The following GPC6 variants were observed in gnomAD, a reference collection of about 807,000 sequenced individuals.
GPC6 encodes glypican-6.
In GPC6, 14 loss-of-function variants were observed where a neutral mutation model predicts 55.2. That is an observed-to-expected ratio of 0.25 (90% CI 0.17 to 0.40). The LOEUF (loss-of-function observed/expected upper bound fraction) is 0.40. GPC6 is among the 10% of genes least tolerant of loss of function. GPC6 has a pLI of 1.00. For synonymous variants in GPC6, 278 were observed against 259.6 expected (o/e 1.07, Z -0.68); for missense variants, 641 against 708.5 (o/e 0.90, Z 1.08).
At chr13:94,255,082 T>C (rs1891464661) in intron 4 of GPC6, among the ~76,000 whole-genome samples, 1 of 152,176 alleles carries the variant, frequency 6.6e-6, no homozygotes, top group Non-Finnish European at 1.5e-5. Flanking sequence ...GTAGTAAATG[T>C]TACCAGTTCA....
intron 5 of GPC6, among the ~76,000 whole-genome samples, chr13:94,295,632 A>G (rs564230721): frequency 5.3e-5 from 8 of 152,286 alleles, no homozygotes; most frequent in Admixed American, 2.6e-4. Context: ...ATCCAACTCT[A>G]GTCTGTGCCT....
Position 93,912,746 on chromosome 13 carries a change from A to C in GPC6, c.711+82201A>C, listed in dbSNP as rs138783099. Among the ~76,000 whole-genome samples, 1,314 of 152,308 alleles carry C rather than the reference A, an allele frequency of 8.6e-3. 23 individuals are homozygous for C. The highest frequency in any genetic ancestry group is 0.029 in the African/African-American group (1,210 of 41,566). On this transcript the variant is annotated intron_variant, in intron 3 of 8. Transcript: ENST00000377047. Reference sequence around the variant, plus strand: ...CGACAGATAGAGACTCCGTCTCAAAAAAAACAAAACAAAACAAAACAAGAC... The same window carrying C: ...CGACAGATAGAGACTCCGTCTCAAACAAAACAAAACAAAACAAAACAAGAC...
chr13:93,761,434 A>C (rs9524199), intron 2 of GPC6, among the ~76,000 whole-genome samples: 31 of 152,200 alleles, frequency 2.0e-4, no homozygotes, highest in Non-Finnish European at 3.4e-4. Flanking sequence ...TGCTTAAGAC[A>C]ATTAAGTCTT....
chr13:94,351,525 G>C (rs1407993), intron 6 of GPC6, among the ~76,000 whole-genome samples: 7,004 of 152,002 alleles, frequency 0.046, 548 homozygotes, highest in African/African-American at 0.16. Context: ...GTCTGTGATT[G>C]CACCTCAGAT....
chr13:93,678,508 T>G (rs1213674367), intron 2 of GPC6, among the ~76,000 whole-genome samples: 1 of 152,174 alleles, frequency 6.6e-6, no homozygotes, highest in Non-Finnish European at 1.5e-5. Context: ...AGCTGTCAAC[T>G]GAAGGGCTTA....
In GPC6 at chr13:94,271,144, C is replaced by T. The variant is rs1048201739; in HGVS notation, c.878-15205C>T. On this transcript the variant is annotated intron_variant, in intron 4 of 8. Transcript: ENST00000377047. The stretch of plus-strand genomic sequence containing the variant: ...TAGCTGGGACTACAGGCTCCCGCCA[C>T]CATGCCCGGCTAATTTTTTGTATTT... Among the ~76,000 whole-genome samples, 8 of 146,350 alleles carry T rather than the reference C, an allele frequency of 5.5e-5. No individual in the cohort carries two copies. The South Asian group carries it at 1.8e-3, about 33-fold the overall frequency.
At chr13:93,779,902 C>T (rs1294889295) in intron 2 of GPC6, among the ~76,000 whole-genome samples, 1 of 152,076 alleles carries the variant, frequency 6.6e-6, no homozygotes, top group Non-Finnish European at 1.5e-5. Context: ...CATATAAACC[C>T]CCTGGGACTG....
intron 2 of GPC6, among the ~76,000 whole-genome samples, chr13:93,684,395 C>T (rs573001173): frequency 2.8e-4 from 43 of 152,248 alleles, no homozygotes; most frequent in African/African-American, 9.9e-4. Flanking sequence ...ATCATGTTGG[C>T]CAGGCTGGCC....
intron 3 of GPC6, among the ~76,000 whole-genome samples, chr13:93,955,873 A>G (rs1486923513): frequency 6.6e-6 from 1 of 152,198 alleles, no homozygotes; most frequent in African/African-American, 2.4e-5. Flanking sequence ...TTATCCTGAC[A>G]GAGAAGTTAG....
At chr13:93,441,097 A>T (rs530860784) in intron 1 of GPC6, among the ~76,000 whole-genome samples, 15 of 152,106 alleles carry the variant, frequency 9.9e-5, no homozygotes, top group African/African-American at 3.1e-4. Context: ...TCTATCATTG[A>T]TGGACATTTG....
Position 93,882,185 on chromosome 13 carries a change from C to T in GPC6, c.711+51640C>T, listed in dbSNP as rs137888488. Reference sequence around the variant, plus strand: ...GTTTGTTTGTTTTTTGACAGGGTCTCACTCTTTCGCCAAAGCTGGAGTGCA... The same window carrying T: ...GTTTGTTTGTTTTTTGACAGGGTCTTACTCTTTCGCCAAAGCTGGAGTGCA... On this transcript the variant is annotated intron_variant, in intron 3 of 8. Transcript: ENST00000377047. Among the ~76,000 whole-genome samples, 83 of 150,836 alleles carry T rather than the reference C, an allele frequency of 5.5e-4. 2 individuals carry two copies. Among genetic ancestry groups the T allele is most frequent in the African/African-American group, 2.0e-3 (81 of 41,068 alleles).
At chr13:94,268,549 T>C (rs988647889) in intron 4 of GPC6, among the ~76,000 whole-genome samples, 1 of 152,248 alleles carries the variant, frequency 6.6e-6, no homozygotes, top group African/African-American at 2.4e-5. Context: ...CCTAAGTCTC[T>C]TGAAAGCAGG....
At chr13:94,194,345 A>G (rs1246901045) in intron 4 of GPC6, among the ~76,000 whole-genome samples, 1 of 152,162 alleles carries the variant, frequency 6.6e-6, no homozygotes, top group Non-Finnish European at 1.5e-5. Context: ...TTCAAATTTA[A>G]CAGAGTGTCC....
chr13:93,682,555 A>AGCT (rs1287782837), intron 2 of GPC6, among the ~76,000 whole-genome samples: 1 of 152,144 alleles, frequency 6.6e-6, no homozygotes, highest in Non-Finnish European at 1.5e-5. Context: ...CTGCACTCGC[A>AGCT]GCTCCATATG....
At position 94,400,190 on chromosome 13, in the gene GPC6, G is replaced by C. The variant is rs542330502; in HGVS notation, c.1465+1549G>C. 8.5e-5 allele frequency among the ~76,000 whole-genome samples: 13 copies of C among 152,236 alleles called. No homozygotes were observed. In the South Asian group the frequency reaches 2.3e-3, roughly 27 times the overall value. On this transcript the variant is annotated intron_variant, in intron 8 of 8. Transcript: ENST00000377047. ...AAATGTGGCCCTCTATTTTAGGCTGGTGTCTGTCATACAAACCATTATCAC... is the reference window on the plus strand; with the variant it reads ...AAATGTGGCCCTCTATTTTAGGCTGCTGTCTGTCATACAAACCATTATCAC...
chr13:94,144,045 G>GAAAC (rs1887472798), intron 4 of GPC6, among the ~76,000 whole-genome samples: 1 of 152,110 alleles, frequency 6.6e-6, no homozygotes, highest in Non-Finnish European at 1.5e-5. Context: ...TTGTCCTAAT[G>GAAAC]GTGAAAAGAA....
At chr13:93,607,474 C>T (rs1878282571) in intron 2 of GPC6, among the ~76,000 whole-genome samples, 1 of 152,136 alleles carries the variant, frequency 6.6e-6, no homozygotes, top group African/African-American at 2.4e-5. Context: ...GGGCCTTGCC[C>T]CACATCCCTA....
chr13:93,237,176 C>T (rs9523968), intron 1 of GPC6, among the ~76,000 whole-genome samples: 39,172 of 152,034 alleles, frequency 0.26, 5,151 homozygotes, highest in African/African-American at 0.32. Context: ...CACTAATTTA[C>T]GTTCCCACCA....
intron 4 of GPC6, among the ~76,000 whole-genome samples, chr13:94,061,849 T>A (rs150441244): frequency 6.6e-6 from 1 of 151,976 alleles, no homozygotes; most frequent in East Asian, 1.9e-4. Flanking sequence ...CAAGGTCTAC[T>A]ACAAGAAACC....
Sources: allele counts gnomAD v4.1 joint callset (sites outside exome capture counted in the v4.1 genomes callset), GRCh38; gene constraint gnomAD v4.1.1; transcripts MANE v1.5; gene names NCBI Gene and HGNC (gene_info 2026-07-23, HGNC 2026-07-21).